The following SCARA5 variants were observed in gnomAD, a reference collection of about 807,000 sequenced individuals.
SCARA5 encodes scavenger receptor class A member 5, also known as scavenger receptor class A, member 5 (putative).
A neutral mutation model predicts 46.3 loss-of-function variants in SCARA5; 45 were observed. That is an observed-to-expected ratio of 0.97 (90% confidence interval 0.76 to 1.24). The LOEUF (loss-of-function observed/expected upper bound fraction) is 1.24, where lower values mean the gene tolerates loss of function less well. Among genes scored for constraint, SCARA5 ranks in the 50% most tolerant of loss-of-function variants. The probability of loss-of-function intolerance (pLI) is 0.00; values close to 1 mark genes in which losing one functional copy is unlikely to be tolerated. For synonymous variants in SCARA5, 333 were observed against 306.5 expected (o/e 1.09, Z -0.90); for missense variants, 680 against 689.0 (o/e 0.99, Z 0.15).
At chr8:27,936,748 G>A (rs996951229) in intron 3 of SCARA5, among the ~76,000 whole-genome samples, 12 of 152,102 alleles carry the variant, frequency 7.9e-5, no homozygotes, top group Non-Finnish European at 1.2e-4. Context: ...ACCGTGCAGT[G>A]GCCAGCTGAT....
At chr8:27,942,131 C>A (rs935924715) in intron 3 of SCARA5, among the ~76,000 whole-genome samples, 1 of 152,162 alleles carries the variant, frequency 6.6e-6, no homozygotes, top group East Asian at 1.9e-4. Context: ...GCCCAGCCCC[C>A]ATTCACATGA....
intron 7 of SCARA5, among the ~76,000 whole-genome samples, chr8:27,892,606 C>CTTT (rs1230257718): frequency 1.7e-4 from 22 of 127,028 alleles, no homozygotes; most frequent in Non-Finnish European, 1.9e-4. Flanking sequence ...ATACCTCACC[C>CTTT]TTTTTTTTTT....
intron 7 of SCARA5, 93 bp downstream of exon 7, chr8:27,904,685 C>T: frequency 8.7e-7 from 1 of 1,146,306 alleles, no homozygotes; most frequent in Non-Finnish European, 1.3e-6. Context: ...GCCATGGCTC[C>T]AGCCTCTGAA....
chr8:27,923,978 C>T (rs28472270), intron 3 of SCARA5, among the ~76,000 whole-genome samples: 4,677 of 152,288 alleles, frequency 0.031, 91 homozygotes, highest in South Asian at 0.07. Flanking sequence ...TTATAAGCAG[C>T]TATTGCATAA....
intron 2 of SCARA5, among the ~76,000 whole-genome samples, chr8:27,982,932 C>T (rs141326461): frequency 2.0e-5 from 3 of 152,286 alleles, no homozygotes; most frequent in Middle Eastern, 3.4e-3. Flanking sequence ...ACAGCAGGTC[C>T]GGTGCAGGAG....
Position 27,909,239 on chromosome 8 carries a change from C to T in SCARA5, c.997+424G>A, listed in dbSNP as rs757082635. 5.9e-5 allele frequency among the ~76,000 whole-genome samples: 9 copies of T among 152,244 alleles called. No individual in the cohort carries two copies. In the South Asian group the frequency reaches 1.7e-3, roughly 28 times the overall value. On this transcript the variant is annotated intron_variant, in intron 5 of 8. Coordinates refer to ENST00000354914, the MANE Select transcript of SCARA5 (RefSeq NM_173833.6). ...AAGGGATAGGTATTCATGACCCATTCGTAGACCTGGGCAGGGTCAGCAGGA... is the reference window on the plus strand; with the variant it reads ...AAGGGATAGGTATTCATGACCCATTTGTAGACCTGGGCAGGGTCAGCAGGA...
At chr8:27,897,643 C>A (rs1009987114) in intron 7 of SCARA5, among the ~76,000 whole-genome samples, 2 of 152,248 alleles carry the variant, frequency 1.3e-5, no homozygotes, top group Non-Finnish European at 2.9e-5. Flanking sequence ...GCAGGCTCGG[C>A]TGCCTGTGTA....
At chr8:27,957,770 G>C (rs145656379) in intron 3 of SCARA5, among the ~76,000 whole-genome samples, 1 of 152,216 alleles carries the variant, frequency 6.6e-6, no homozygotes, top group East Asian at 1.9e-4. Context: ...ATTGTTGTAA[G>C]AATTAGATGA....
In SCARA5 at chr8:27,907,155, C is replaced by T; in HGVS notation, c.1089G>A (p.Gly363=). 6.2e-7 allele frequency: 1 copy of T among 1,612,436 alleles called. No homozygotes were observed. Among genetic ancestry groups the T allele is most frequent in the African/African-American group, 1.3e-5 (1 of 74,950 alleles). The change falls in exon 6 of 9, where the codon GGG becomes GGA. Residue 363 remains glycine, a synonymous_variant. Coordinates refer to ENST00000354914, the MANE Select transcript of SCARA5 (RefSeq NM_173833.6). ...AACTGAGATTGTTATTACCTTTGAA[C>T]CCACGCATGCCCATTGGTCCTGTGG... ...LGATGPMGMR[G]FKGDRGPKGE...
intron 4 of SCARA5, among the ~76,000 whole-genome samples, chr8:27,912,222 G>C (rs976018114): frequency 6.6e-6 from 1 of 152,132 alleles, no homozygotes; most frequent in African/African-American, 2.4e-5. Context: ...ATAAATATTT[G>C]ATGAATGAAT....
At chr8:27,972,339 CAAAAAACAAAACA>C (rs891578856) in intron 2 of SCARA5, among the ~76,000 whole-genome samples, 10 of 33,106 alleles carry the variant, frequency 3.0e-4, no homozygotes, top group East Asian at 1.6e-3. Flanking sequence ...CAAAACAAAA[CAAAAAACAAAACA>C]AAAAAAAACA....
intron 3 of SCARA5, among the ~76,000 whole-genome samples, chr8:27,942,446 A>G (rs1263114894): frequency 6.6e-6 from 1 of 152,182 alleles, no homozygotes; most frequent in Non-Finnish European, 1.5e-5. Context: ...TCTCACTGTT[A>G]GGAAAGCTGC....
chr8:27,912,921 G>A (rs1585483789), intron 4 of SCARA5, among the ~76,000 whole-genome samples: 1 of 152,232 alleles, frequency 6.6e-6, no homozygotes, highest in East Asian at 1.9e-4. Context: ...TCTATTAAAT[G>A]TGCAGTTGTA....
intron 3 of SCARA5, among the ~76,000 whole-genome samples, chr8:27,942,813 A>C (rs1269146615): frequency 3.3e-5 from 5 of 152,164 alleles, no homozygotes; most frequent in African/African-American, 1.2e-4. Context: ...CTTAATGCTG[A>C]AGCCTGCTTT....
chr8:27,979,576 C>T (rs1010428880), intron 2 of SCARA5, among the ~76,000 whole-genome samples: 54 of 149,264 alleles, frequency 3.6e-4, no homozygotes, highest in African/African-American at 1.2e-3. Context: ...TTTTTTGAGA[C>T]GGAGTTGTAC....
chr8:27,894,584 C>T (rs1807032321), intron 7 of SCARA5, among the ~76,000 whole-genome samples: 1 of 152,188 alleles, frequency 6.6e-6, no homozygotes, highest in Non-Finnish European at 1.5e-5. Flanking sequence ...GGCTGAGAAG[C>T]TCTGTGGGAG....
At chr8:27,900,320 C>T (rs1016695531) in intron 7 of SCARA5, among the ~76,000 whole-genome samples, 14 of 152,302 alleles carry the variant, frequency 9.2e-5, no homozygotes, top group South Asian at 4.1e-4. Flanking sequence ...CCAAAGGATT[C>T]TGCCTCCTTG....
In SCARA5 at chr8:27,921,681, A is replaced by G; in HGVS notation, c.806T>C (p.Met269Thr). The change falls in exon 4 of 9, where the codon ATG becomes ACG. Residue 269 changes from methionine to threonine, a missense_variant. Physicochemically the swap from Met to Thr is moderately conservative, Grantham distance 81. Transcript: ENST00000354914. The stretch of plus-strand genomic sequence containing the variant: ...CAGCTCCTGCTTCAGCTGCAGCTCC[A>G]TGCCTACGTGCGCCAGGCGCAGGCG... The part of the protein sequence containing the change: ...TRRLRLAHVG[M>T]ELQLKQELAM... The G allele has an allele frequency of 6.2e-7, 1 of 1,608,740 alleles. No individual in the cohort carries two copies. The highest frequency in any genetic ancestry group is 1.1e-5 in the South Asian group (1 of 89,884).
intron 3 of SCARA5, among the ~76,000 whole-genome samples, chr8:27,939,888 C>A (rs1328445157): frequency 6.6e-6 from 1 of 152,170 alleles, no homozygotes; most frequent in African/African-American, 2.4e-5. Context: ...AGACTATCTG[C>A]CTCTTTCTAC....
Sources: allele counts gnomAD v4.1 joint callset (sites outside exome capture counted in the v4.1 genomes callset), GRCh38; gene constraint gnomAD v4.1.1; transcripts MANE v1.5; gene names NCBI Gene and HGNC (gene_info 2026-07-23, HGNC 2026-07-21).